Variants in PRLR observed in about 807,000 individuals in gnomAD.
PRLR encodes prolactin receptor.
Under a neutral mutation model 40.2 loss-of-function variants are expected in PRLR, and 13 were observed. The observed-to-expected ratio is 0.32, with a 90% CI of 0.21 to 0.51. The LOEUF (loss-of-function observed/expected upper bound fraction) is 0.51, where lower values mean the gene tolerates loss of function less well. Ranked by LOEUF, PRLR falls within the 20% of genes least tolerant of loss-of-function variation. The pLI is 0.97. For missense variants in PRLR, 656 were observed against 747.3 expected (o/e 0.88, Z 1.42); for synonymous variants, 269 against 278.7 (o/e 0.97, Z 0.35).
At chr5:35,086,861 G>C (rs1770885646) in intron 3 of PRLR, among the ~76,000 whole-genome samples, 1 of 152,078 alleles carries the variant, frequency 6.6e-6, no homozygotes, top group Non-Finnish European at 1.5e-5. Flanking sequence ...CCATCTTTCT[G>C]CCATCCCCAC....
At chr5:35,069,261 A>G (rs189186686) in intron 7 of PRLR, among the ~76,000 whole-genome samples, 1 of 152,344 alleles carries the variant, frequency 6.6e-6, no homozygotes, top group African/African-American at 2.4e-5. Context: ...AAAAGATAAG[A>G]AAACTGGGAA....
chr5:35,221,155 C>A (rs999295916), intron 1 of PRLR, among the ~76,000 whole-genome samples: 1 of 152,180 alleles, frequency 6.6e-6, no homozygotes, highest in Non-Finnish European at 1.5e-5. Flanking sequence ...CAATGACAGT[C>A]CCTGGAGACT....
intron 1 of PRLR, among the ~76,000 whole-genome samples, chr5:35,140,091 C>T (rs1561329344): frequency 6.6e-6 from 1 of 152,096 alleles, no homozygotes; most frequent in Non-Finnish European, 1.5e-5. Flanking sequence ...CTATAATGCT[C>T]CATCCCAACT....
chr5:35,161,971 C>T (rs1182215675), intron 1 of PRLR, among the ~76,000 whole-genome samples: 1 of 152,150 alleles, frequency 6.6e-6, no homozygotes, highest in Non-Finnish European at 1.5e-5. Context: ...CTTTTTAAAG[C>T]CAATTTTCCA....
chr5:35,090,791 C>CTTTT lies in PRLR; in HGVS notation c.-43-1132_-43-1129dup, dbSNP rs554800498. On this transcript the variant is annotated intron_variant, in intron 2 of 9. Transcript: ENST00000618457. ...GGCACCCAGGTACCATCAATTAGCT[C>CTTTT]TTTTTTTTTTTTTTTTTTTTTTTTT... 1.9e-4 allele frequency among the ~76,000 whole-genome samples: 11 copies of CTTTT among 59,136 alleles called. 1 individual carries two copies. The highest frequency in any genetic ancestry group is 4.0e-4 in the East Asian group (1 of 2,502). 38.8% of individuals were successfully genotyped at this position (59,136 alleles called of 152,430 possible). A position where few individuals can be genotyped will look rare whatever the true frequency, so the allele number is the denominator to read the frequency against.
chr5:35,210,671 C>T (rs1776147006), intron 1 of PRLR, among the ~76,000 whole-genome samples: 1 of 152,172 alleles, frequency 6.6e-6, no homozygotes, highest in South Asian at 2.1e-4. Context: ...AAACTACTTG[C>T]ATGGTTAGTA....
chr5:35,188,859 T>C (rs1273423853), intron 1 of PRLR, among the ~76,000 whole-genome samples: 4 of 152,200 alleles, frequency 2.6e-5, no homozygotes, highest in Non-Finnish European at 1.5e-5. Flanking sequence ...TTCCAGGAGT[T>C]AACTCATTTA....
intron 1 of PRLR, among the ~76,000 whole-genome samples, chr5:35,223,510 A>G (rs1776473446): frequency 6.6e-6 from 1 of 151,758 alleles, no homozygotes; most frequent in South Asian, 2.1e-4. Flanking sequence ...CACATCACGC[A>G]CCCCCGAACC....
chr5:35,112,829 C>CT (rs944062387), intron 2 of PRLR, among the ~76,000 whole-genome samples: 3 of 152,080 alleles, frequency 2.0e-5, no homozygotes, highest in Non-Finnish European at 2.9e-5. Flanking sequence ...TATATTCATT[C>CT]TTTTTTTCCC....
intron 5 of PRLR, chr5:35,081,885 T>TG: frequency 5.3e-6 from 1 of 190,056 alleles, no homozygotes. Flanking sequence ...CTTCTACTTT[T>TG]GGGGCTGGCA....
At chr5:35,211,648 G>T (rs1776171586) in intron 1 of PRLR, among the ~76,000 whole-genome samples, 1 of 152,108 alleles carries the variant, frequency 6.6e-6, no homozygotes, top group African/African-American at 2.4e-5. Flanking sequence ...TAAGATACTT[G>T]CTTATTGATG....
intron 1 of PRLR, among the ~76,000 whole-genome samples, chr5:35,212,061 A>G (rs1157549944): frequency 6.6e-6 from 1 of 152,244 alleles, no homozygotes; most frequent in Non-Finnish European, 1.5e-5. Context: ...TATGAAAAGT[A>G]TTGCTGACTC....
At chr5:35,152,090 A>G (rs1319696844) in intron 1 of PRLR, among the ~76,000 whole-genome samples, 2 of 152,224 alleles carry the variant, frequency 1.3e-5, no homozygotes, top group African/African-American at 4.8e-5. Flanking sequence ...TTTGGTGTTA[A>G]TATCTTAGTG....
At chr5:35,144,023 C>T (rs1774101400) in intron 1 of PRLR, among the ~76,000 whole-genome samples, 1 of 150,598 alleles carries the variant, frequency 6.6e-6, no homozygotes, top group Admixed American at 6.7e-5. Flanking sequence ...ATTTTGCCTT[C>T]TCTTAGCTCT....
intron 5 of PRLR, among the ~76,000 whole-genome samples, chr5:35,082,523 A>G (rs1165555434): frequency 6.6e-6 from 1 of 151,796 alleles, no homozygotes; most frequent in Non-Finnish European, 1.5e-5. Context: ...TAATACCCCC[A>G]TCTCCCCACT....
chr5:35,068,445 A>G (rs1269678606), intron 8 of PRLR, among the ~76,000 whole-genome samples, 160 bp from the exon 9 acceptor site: 2 of 152,208 alleles, frequency 1.3e-5, no homozygotes, highest in East Asian at 3.8e-4. Flanking sequence ...ACAGAGGCCT[A>G]TATTAAAATT....
At chr5:35,094,574 G>A (rs947395508) in intron 2 of PRLR, among the ~76,000 whole-genome samples, 2 of 152,172 alleles carry the variant, frequency 1.3e-5, no homozygotes, top group Non-Finnish European at 2.9e-5. Context: ...CATATCTCCT[G>A]TTAACCTAAA....
chr5:35,064,309 A>G lies in PRLR; in HGVS notation c.*780T>C, dbSNP rs1769215131. On this transcript the variant is annotated 3_prime_UTR_variant, in exon 10 of 10. Transcript: ENST00000618457. ...GTCTTTAGGGAATTTTTTTTTAACT[A>G]AGGAAAGACTAAGGTGTATAATAAA... 1 of 152,194 alleles carries G rather than the reference A, an allele frequency of 6.6e-6. No homozygotes were observed. The highest frequency in any genetic ancestry group is 6.5e-5 in the Admixed American group (1 of 15,270). 9.4% of individuals were successfully genotyped at this position (152,194 alleles called of 1,614,324 possible). A position where few individuals can be genotyped will look rare whatever the true frequency, so the allele number is the denominator to read the frequency against.
At chr5:35,229,131 AAT>A (rs34244495) in intron 1 of PRLR, among the ~76,000 whole-genome samples, 15 of 147,352 alleles carry the variant, frequency 1.0e-4, no homozygotes, top group African/African-American at 3.0e-4. Flanking sequence ...ATATTTCTAT[AAT>A]ATATATATAT....
Sources: allele counts gnomAD v4.1 joint callset (sites outside exome capture counted in the v4.1 genomes callset), GRCh38; gene constraint gnomAD v4.1.1; transcripts MANE v1.5; gene names NCBI Gene and HGNC (gene_info 2026-07-23, HGNC 2026-07-21).